The following MAP3K5 variants were observed in gnomAD, a reference collection of about 807,000 sequenced individuals.
MAP3K5 encodes the protein mitogen-activated protein kinase kinase kinase 5.
In MAP3K5, 56 loss-of-function variants were observed where a neutral mutation model predicts 158.7. The ratio of observed to expected loss-of-function variants is 0.35; its 90% CI spans 0.28 to 0.44. The LOEUF is 0.44. Ranked by LOEUF, MAP3K5 falls within the 20% of genes least tolerant of loss-of-function variation. The pLI is 1.00. For missense variants in MAP3K5, 1,294 were observed against 1,674.8 expected, an observed-to-expected ratio of 0.77 and a Z score of 3.97; for synonymous variants, 579 against 601.7, an observed-to-expected ratio of 0.96 and a Z score of 0.55.
At position 136,650,897 on chromosome 6, in the gene MAP3K5, A is replaced by C. The variant is rs988303283; in HGVS notation, c.1788+87T>G. 6.9e-6 allele frequency: 5 copies of C among 723,626 alleles called. No homozygotes were observed. The African/African-American group carries it at 9.0e-5, about 13-fold the overall frequency. 44.8% of individuals were successfully genotyped at this position (723,626 alleles called of 1,614,324 possible). ...GCTGAGCTATTTCTTCTTAACTAACACAGACATTTGCTGGAGTATGTAAAT... is the reference window on the plus strand; with the variant it reads ...GCTGAGCTATTTCTTCTTAACTAACCCAGACATTTGCTGGAGTATGTAAAT... On this transcript the variant is annotated intron_variant, in intron 11 of 29. Transcript: ENST00000359015.
intron 8 of MAP3K5, among the ~76,000 whole-genome samples, chr6:136,661,626 C>T (rs571978927): frequency 1.3e-5 from 2 of 152,264 alleles, no homozygotes; most frequent in South Asian, 4.1e-4. Flanking sequence ...CTCCTGGGCT[C>T]AAGTGATCCT....
At chr6:136,695,738 C>T (rs1158007018) in intron 6 of MAP3K5, among the ~76,000 whole-genome samples, 5 of 152,080 alleles carry the variant, frequency 3.3e-5, no homozygotes, top group African/African-American at 7.2e-5. Context: ...TTTAAATATA[C>T]CAACAGTGTG....
chr6:136,694,077 C>A, intron 7 of MAP3K5, 63 bp downstream of exon 7: 1 of 1,330,440 alleles, frequency 7.5e-7, no homozygotes, highest in Admixed American at 2.1e-5. Flanking sequence ...CTCTCATTTG[C>A]AAATACTTTT....
In MAP3K5 at chr6:136,605,215, C is replaced by T. The variant is rs1295118475; in HGVS notation, c.2673G>A (p.Met891Ile). Residue 891 changes from methionine to isoleucine, a missense_variant, in exon 19 of 30, where the codon ATG becomes ATA. Physicochemically the swap from Met to Ile is conservative, Grantham distance 10 (BLOSUM62 1). Around this residue, in one of 5 missense-constraint regions of MAP3K5, gnomAD observed 362 missense variants for 463.2 expected, o/e 0.78. Coordinates refer to ENST00000359015, the MANE Select transcript of MAP3K5 (RefSeq NM_005923.4). ...FYELGEPQAAMFKVGMFKVHP... is the reference protein window; with the variant it reads ...FYELGEPQAAIFKVGMFKVHP... ...AAGAGAAATGAAGTGTGACCTTGAA[C>T]ATAGCTGCTTGTGGTTCTCCCAGTT... 1 of 1,613,416 alleles carries T rather than the reference C, an allele frequency of 6.2e-7. No homozygotes were observed. The highest frequency in any genetic ancestry group is 1.3e-5 in the African/African-American group (1 of 74,874).
intron 1 of MAP3K5, among the ~76,000 whole-genome samples, chr6:136,765,186 C>G (rs975019425): frequency 1.3e-5 from 2 of 152,202 alleles, no homozygotes; most frequent in African/African-American, 4.8e-5. Flanking sequence ...GTTATACAAA[C>G]TCTGAAGTCC....
intron 1 of MAP3K5, among the ~76,000 whole-genome samples, chr6:136,770,833 T>A (rs1330444289): frequency 6.6e-6 from 1 of 152,220 alleles, no homozygotes; most frequent in African/African-American, 2.4e-5. Flanking sequence ...TTAAAAGGGA[T>A]AATTTTGACT....
intron 23 of MAP3K5, among the ~76,000 whole-genome samples, chr6:136,590,166 C>T (rs889905554): frequency 1.8e-4 from 28 of 152,168 alleles, no homozygotes; most frequent in East Asian, 7.7e-4. Context: ...CTTTCTACCA[C>T]GAGTTGAAGC....
chr6:136,651,178 G>A (rs1424322545), intron 10 of MAP3K5, 87 bp from the exon 11 acceptor site: 1 of 627,958 alleles, frequency 1.6e-6, no homozygotes, highest in Non-Finnish European at 2.8e-6. Flanking sequence ...CACCAACGTA[G>A]AGGATTATTG....
At chr6:136,617,925 T>G (rs1776637905) in intron 15 of MAP3K5, among the ~76,000 whole-genome samples, 1 of 152,000 alleles carries the variant, frequency 6.6e-6, no homozygotes, top group African/African-American at 2.4e-5. Context: ...AGAATGAAAC[T>G]CCATCTCAAA....
intron 1 of MAP3K5, among the ~76,000 whole-genome samples, chr6:136,743,407 G>A (rs1376020960): frequency 6.6e-6 from 1 of 151,942 alleles, no homozygotes; most frequent in African/African-American, 2.4e-5. Context: ...CCAAGATCGC[G>A]AAACTGCACT....
intron 8 of MAP3K5, 72 bp from the exon 9 acceptor site, chr6:136,659,450 G>A (rs1274879019): frequency 2.2e-6 from 3 of 1,370,148 alleles, no homozygotes; most frequent in African/African-American, 2.9e-5. Flanking sequence ...TCACTAAAAA[G>A]TAAAATTAAG....
At chr6:136,705,169 T>C (rs368024707) in intron 2 of MAP3K5, 36 bp from the exon 3 acceptor site, 25 of 981,292 alleles carry the variant, frequency 2.5e-5, no homozygotes, top group Middle Eastern at 2.2e-4. Flanking sequence ...CACAAGTTAA[T>C]ACAAAACTGA....
In MAP3K5 at chr6:136,668,510, T is replaced by C. The variant is rs142555300; in HGVS notation, c.1366+773A>G. ...ATATTTCTATGTCTGTAGTAATTCC[T>C]AAAAGAGTTGGAAAGATTCTCTGAA... On this transcript the variant is annotated intron_variant, in intron 8 of 29. Coordinates refer to ENST00000359015, the MANE Select transcript of MAP3K5 (RefSeq NM_005923.4). Among the ~76,000 whole-genome samples the C allele has an allele frequency of 3.3e-5, 5 of 152,294 alleles. No individual in the cohort carries two copies. In the East Asian group the frequency reaches 9.7e-4, roughly 29 times the overall value.
chr6:136,670,866 T>G (rs1273004042), intron 7 of MAP3K5, among the ~76,000 whole-genome samples: 1 of 152,134 alleles, frequency 6.6e-6, no homozygotes, highest in Non-Finnish European at 1.5e-5. Context: ...TGCATCACCA[T>G]AGGTGATTAA....
intron 21 of MAP3K5, among the ~76,000 whole-genome samples, chr6:136,595,957 C>T (rs1394158239): frequency 1.3e-5 from 2 of 151,986 alleles, no homozygotes; most frequent in Admixed American, 6.6e-5. Flanking sequence ...TTGCAGTGAG[C>T]CAAGATCATG....
intron 11 of MAP3K5, among the ~76,000 whole-genome samples, chr6:136,644,942 C>A (rs930389637): frequency 1.3e-5 from 2 of 152,108 alleles, no homozygotes; most frequent in African/African-American, 4.8e-5. Flanking sequence ...CTCAGAATCA[C>A]CCCACCTCAA....
At chr6:136,642,457 C>G in intron 12 of MAP3K5, 63 bp downstream of exon 12, 2 of 1,093,848 alleles carry the variant, frequency 1.8e-6, no homozygotes, top group Non-Finnish European at 2.8e-6. Flanking sequence ...GAAGTTCTAT[C>G]CAGCCCATGA....
At chr6:136,570,959 C>T (rs1343472786) in intron 25 of MAP3K5, among the ~76,000 whole-genome samples, 1 of 152,182 alleles carries the variant, frequency 6.6e-6, no homozygotes, top group African/African-American at 2.4e-5. Context: ...AAACCAAGGA[C>T]AGTTTAAAGC....
intron 1 of MAP3K5, among the ~76,000 whole-genome samples, chr6:136,768,585 T>C (rs1380693289): frequency 6.6e-6 from 1 of 152,198 alleles, no homozygotes; most frequent in Non-Finnish European, 1.5e-5. Flanking sequence ...CCTTCATTCA[T>C]TGTTGGTACG....
Sources: gnomAD v4.1 joint callset for allele counts (sites outside exome capture counted in the v4.1 genomes callset) on GRCh38, gnomAD v4.1.1 for gene constraint, gnomAD v4.1.1 regional missense constraint, MANE v1.5 for transcripts, NCBI Gene and HGNC (gene_info 2026-07-23, HGNC 2026-07-21) for gene names.